The following ZNF746 variants were observed in gnomAD, a reference collection of about 807,000 sequenced individuals.
The protein encoded by ZNF746 is parkin-interacting substrate.
ZNF746 carries 13 observed loss-of-function variants against 41.0 expected under a neutral mutation model. That is an observed-to-expected ratio of 0.32 (90% CI 0.21 to 0.50). The LOEUF (loss-of-function observed/expected upper bound fraction) is 0.50, where lower values mean the gene tolerates loss of function less well. Among genes scored for constraint, ZNF746 ranks in the 20% least tolerant of loss-of-function variants. ZNF746 has a pLI of 0.98. For synonymous variants in ZNF746, 424 were observed against 396.2 expected (o/e 1.07, Z -0.83); for missense variants, 811 against 922.9 (o/e 0.88, Z 1.57).
chr7:149,486,859 C>T (rs1441078346), intron 4 of ZNF746, among the ~76,000 whole-genome samples: 2 of 152,176 alleles, frequency 1.3e-5, no homozygotes, highest in East Asian at 3.8e-4. Flanking sequence ...CTACTAATCT[C>T]TAAATGTCAC....
chr7:149,486,387 T>C lies in ZNF746; in HGVS notation c.565+6472A>G, dbSNP rs1315625587. On this transcript the variant is annotated intron_variant, in intron 4 of 6. Coordinates refer to ENST00000458143, the MANE Select transcript of ZNF746 (RefSeq NM_001394198.1). ...ATCTACACCTACAGAAGCTTTTACA[T>C]ATGCATAAGAATGTTCACACCAGCA... 5.2e-3 allele frequency among the ~76,000 whole-genome samples: 745 copies of C among 143,806 alleles called. 10 individuals are homozygous for C. The highest frequency in any genetic ancestry group is 0.019 in the African/African-American group (727 of 38,356). 94.3% of individuals were successfully genotyped at this position (143,806 alleles called of 152,430 possible).
chr7:149,481,412 T>C (rs570134698), intron 4 of ZNF746, among the ~76,000 whole-genome samples: 1 of 152,256 alleles, frequency 6.6e-6, no homozygotes, highest in Non-Finnish European at 1.5e-5. Context: ...GTAAATGCTA[T>C]GTAGATAGTT....
At chr7:149,491,774 G>T (rs903296176) in intron 4 of ZNF746, 1 of 659,430 alleles carries the variant, frequency 1.5e-6, no homozygotes, top group Admixed American at 2.2e-5. Flanking sequence ...CAGGTGGGAC[G>T]GTCAAGGGCG....
At chr7:149,476,164 AT>A (rs1800294909) in intron 6 of ZNF746, among the ~76,000 whole-genome samples, 1 of 151,990 alleles carries the variant, frequency 6.6e-6, no homozygotes, top group Non-Finnish European at 1.5e-5. Context: ...AATACGAAAA[AT>A]TAGCTGGGCG....
intron 4 of ZNF746, among the ~76,000 whole-genome samples, chr7:149,480,930 G>T (rs1278852420): frequency 6.6e-6 from 1 of 152,126 alleles, no homozygotes; most frequent in African/African-American, 2.4e-5. Flanking sequence ...GGTTAGAAAG[G>T]GGGCAAGGCA....
chr7:149,484,357 G>A lies in ZNF746; in HGVS notation c.566-6602C>T, dbSNP rs137858350. 1.8e-3 allele frequency among the ~76,000 whole-genome samples: 267 copies of A among 152,234 alleles called. 2 individuals are homozygous for A. In the Middle Eastern group the frequency reaches 0.037, roughly 21 times the overall value. ...CATGACAAAGTTAGGTTTATTCCAA[G>A]ACTGCAAGGTTGGTTCAACATTAGA... On this transcript the variant is annotated intron_variant, in intron 4 of 6. Coordinates refer to ENST00000458143, the MANE Select transcript of ZNF746 (RefSeq NM_001394198.1).
chr7:149,490,421 AG>A (rs1800762902), intron 4 of ZNF746: 1 of 152,262 alleles, frequency 6.6e-6, no homozygotes, highest in South Asian at 2.1e-4. Flanking sequence ...CTGCAGGTGC[AG>A]AACACCGATG....
intron 3 of ZNF746, among the ~76,000 whole-genome samples, chr7:149,493,249 C>T (rs908006856): frequency 2.0e-5 from 3 of 152,150 alleles, no homozygotes; most frequent in South Asian, 2.1e-4. Context: ...AGGATGCCGC[C>T]GACACACAGA....
rs1401147064 is a variant in ZNF746, at chr7:149,493,878, A to G, written c.451+111T>C. ...CAAAAGGTAACAACTTGCAAGGTCA[A>G]CAATGTTTCTGGTGATTTATATAAC... On this transcript the variant is annotated intron_variant, in intron 3 of 6. Transcript: ENST00000458143. 4.5e-6 allele frequency: 7 copies of G among 1,564,332 alleles called. No homozygotes were observed. The African/African-American group carries it at 6.8e-5, about 15-fold the overall frequency.
rs762587435 is a variant in ZNF746, at chr7:149,474,377, G to C, written c.*7C>G. The C allele has an allele frequency of 5.6e-6, 9 of 1,599,520 alleles. No homozygotes were observed. Among genetic ancestry groups the C allele is most frequent in the Admixed American group, 1.7e-5 (1 of 58,290 alleles). The stretch of plus-strand genomic sequence containing the variant: ...GCGGCCGGCAGGGGCTATGGGGCTG[G>C]AGGCGCTCACATGTCCCCGCCATCG... On this transcript the variant is annotated 3_prime_UTR_variant, in exon 7 of 7. Coordinates refer to ENST00000458143, the MANE Select transcript of ZNF746 (RefSeq NM_001394198.1). The surrounding 1 kb of genome is among the most constrained non-coding windows in gnomAD (Gnocchi z 6.3).
Position 149,494,462 on chromosome 7 carries a change from C to T in ZNF746, c.66G>A (p.Glu22=), listed in dbSNP as rs1439669311. The stretch of plus-strand genomic sequence containing the variant: ...GAGCAGCCTGCGATTCAATCTTCCT[C>T]TCCATGGCCTGAATCGTGGCTGCCA... ...WTMAATIQAM[E]RKIESQAARL... Residue 22 remains glutamate (E), a synonymous_variant, in exon 2 of 7, where the codon GAG becomes GAA. Transcript: ENST00000458143. This position sits in a 1 kb window ranked among gnomAD's most constrained non-coding sequence, Gnocchi z 5.6. 1.2e-6 allele frequency: 2 copies of T among 1,613,876 alleles called. No homozygotes were observed. Among genetic ancestry groups the T allele is most frequent in the Non-Finnish European group, 1.7e-6 (2 of 1,179,876 alleles).
intron 4 of ZNF746, among the ~76,000 whole-genome samples, chr7:149,483,882 G>C (rs1800550748): frequency 6.6e-6 from 1 of 152,088 alleles, no homozygotes; most frequent in African/African-American, 2.4e-5. Flanking sequence ...GAATGAAAAA[G>C]GGAACATAAT....
chr7:149,479,837 C>A (rs984155783), intron 4 of ZNF746, among the ~76,000 whole-genome samples: 6 of 152,086 alleles, frequency 3.9e-5, no homozygotes, highest in African/African-American at 1.2e-4. Context: ...GAGTTTGAGG[C>A]TGCAGTGAGC....
intron 4 of ZNF746, chr7:149,491,864 A>G: frequency 2.9e-6 from 2 of 701,112 alleles, no homozygotes; most frequent in Non-Finnish European, 5.2e-6. Context: ...TCTTCACTTT[A>G]GGAATTTGGT....
At chr7:149,486,423 A>C (rs534810752) in intron 4 of ZNF746, among the ~76,000 whole-genome samples, 7 of 152,000 alleles carry the variant, frequency 4.6e-5, no homozygotes, top group Non-Finnish European at 8.8e-5. Flanking sequence ...AAAAAAAAAA[A>C]AAGAAAAGAA....
chr7:149,492,719 A>G, intron 4 of ZNF746, 140 bp downstream of exon 4: 1 of 672,816 alleles, frequency 1.5e-6, no homozygotes, highest in Non-Finnish European at 2.7e-6. Context: ...AAACTCAACT[A>G]TAAAAAACTC....
At position 149,473,169 on chromosome 7, in the gene ZNF746, C is replaced by T. The variant is rs1312537576; in HGVS notation, c.*1215G>A. On this transcript the variant is annotated 3_prime_UTR_variant, in exon 7 of 7. Coordinates refer to ENST00000458143, the MANE Select transcript of ZNF746 (RefSeq NM_001394198.1). ...GCGAGCTGTGCCCTCTGAGAGTGCA[C>T]ACATTAAGGAGGCTGGGGCACAGGG... 2 of 152,038 alleles carry T rather than the reference C, an allele frequency of 1.3e-5. No homozygotes were observed. The highest frequency in any genetic ancestry group is 1.3e-4 in the Admixed American group (2 of 15,276). 9.4% of individuals were successfully genotyped at this position (152,038 alleles called of 1,614,324 possible). A position where few individuals can be genotyped will look rare whatever the true frequency, so the allele number is the denominator to read the frequency against.
intron 4 of ZNF746, chr7:149,489,624 AGCACCAGGGAACAGCACTCT>A (rs1367499023): frequency 4.6e-5 from 7 of 152,538 alleles, no homozygotes; most frequent in Non-Finnish European, 1.0e-4. Flanking sequence ...CGGAGGGAAC[AGCACCAGGGAACAGCACTCT>A]GCAGCTGGGC....
chr7:149,491,932 G>A (rs1228208930), intron 4 of ZNF746: 2 of 702,308 alleles, frequency 2.8e-6, no homozygotes, highest in Middle Eastern at 2.6e-4. Flanking sequence ...ACTGGCTCCA[G>A]GGAAATCTGA....
Sources: gnomAD v4.1 joint callset for allele counts (sites outside exome capture counted in the v4.1 genomes callset) on GRCh38, gnomAD v4.1.1 for gene constraint, Gnocchi (gnomAD v3.1) non-coding constraint, MANE v1.5 for transcripts, NCBI Gene and HGNC (gene_info 2026-07-23, HGNC 2026-07-21) for gene names.